The following FSHR variants were observed in gnomAD, a reference collection of about 807,000 sequenced individuals.
FSHR encodes the protein follicle-stimulating hormone receptor.
In FSHR, 46 loss-of-function variants were observed where a neutral mutation model predicts 52.1. That is an observed-to-expected ratio of 0.88 (90% CI 0.70 to 1.13). The LOEUF is 1.13. Ranked by LOEUF, FSHR falls within the 50% of genes most tolerant of loss-of-function variation. The probability of loss-of-function intolerance (pLI) is 0.00; values close to 1 mark genes in which losing one functional copy is unlikely to be tolerated. For synonymous variants in FSHR, 399 were observed against 309.6 expected (o/e 1.29, Z -3.03); for missense variants, 964 against 834.6 (o/e 1.16, Z -1.91).
chr2:48,996,767 A>C (rs11125191), intron 4 of FSHR, among the ~76,000 whole-genome samples: 90,279 of 151,994 alleles, frequency 0.59, 27,346 homozygotes, highest in Non-Finnish European at 0.67. Flanking sequence ...TCTTTCTGCA[A>C]AAGCACATGT....
chr2:49,055,521 C>T (rs1272191485), intron 2 of FSHR, among the ~76,000 whole-genome samples: 2 of 95,102 alleles, frequency 2.1e-5, no homozygotes, highest in Non-Finnish European at 3.8e-5. Flanking sequence ...ACATCCAGAT[C>T]CAGGAAGCTC....
At chr2:49,015,126 A>T (rs1667433595) in intron 4 of FSHR, among the ~76,000 whole-genome samples, 1 of 152,190 alleles carries the variant, frequency 6.6e-6, no homozygotes, top group Non-Finnish European at 1.5e-5. Context: ...CGCTCTATAG[A>T]TAAGCAAACT....
intron 2 of FSHR, among the ~76,000 whole-genome samples, chr2:49,062,418 A>G (rs1411360771): frequency 6.6e-6 from 1 of 152,164 alleles, no homozygotes; most frequent in Non-Finnish European, 1.5e-5. Flanking sequence ...TCAACTCAAA[A>G]TGGATTAAAG....
intron 1 of FSHR, among the ~76,000 whole-genome samples, chr2:49,127,033 C>G (rs1672024725): frequency 6.6e-6 from 1 of 152,036 alleles, no homozygotes; most frequent in South Asian, 2.1e-4. Context: ...AGAATAATAA[C>G]CTTGGATGAA....
At chr2:49,138,838 G>A (rs1175643697) in intron 1 of FSHR, among the ~76,000 whole-genome samples, 2 of 152,132 alleles carry the variant, frequency 1.3e-5, no homozygotes, top group Non-Finnish European at 2.9e-5. Flanking sequence ...TGTATTGTAT[G>A]TGAGTTATAG....
intron 2 of FSHR, among the ~76,000 whole-genome samples, chr2:49,046,163 G>A (rs1668645980): frequency 6.6e-6 from 1 of 152,154 alleles, no homozygotes; most frequent in Non-Finnish European, 1.5e-5. Context: ...AATGAGCTAA[G>A]GGGTATATGA....
intron 1 of FSHR, among the ~76,000 whole-genome samples, chr2:49,095,014 T>C (rs964781398): frequency 6.6e-6 from 1 of 152,142 alleles, no homozygotes; most frequent in East Asian, 1.9e-4. Context: ...TGTAGTATTG[T>C]ATGCCAACAA....
intron 4 of FSHR, among the ~76,000 whole-genome samples, chr2:48,998,535 A>G (rs1045053617): frequency 2.6e-5 from 4 of 151,998 alleles, no homozygotes; most frequent in African/African-American, 9.7e-5. Flanking sequence ...CAGCTGGTGT[A>G]TTTTTTCCCT....
chr2:49,029,470 T>C (rs937506336), intron 2 of FSHR, among the ~76,000 whole-genome samples: 9 of 152,154 alleles, frequency 5.9e-5, no homozygotes, highest in African/African-American at 2.2e-4. Flanking sequence ...CAAAGCTGCA[T>C]TTGGAAAGGT....
intron 1 of FSHR, among the ~76,000 whole-genome samples, chr2:49,149,352 T>A (rs1672980764): frequency 6.6e-6 from 1 of 152,022 alleles, no homozygotes; most frequent in South Asian, 2.1e-4. Flanking sequence ...TACCTACTTG[T>A]CAGGCACAAA....
chr2:49,142,059 C>T (rs1299016694), intron 1 of FSHR, among the ~76,000 whole-genome samples: 2 of 152,196 alleles, frequency 1.3e-5, no homozygotes, highest in African/African-American at 4.8e-5. Flanking sequence ...TTGTTACATT[C>T]AGTCTTTCCT....
chr2:49,116,281 T>C (rs1671597312), intron 1 of FSHR, among the ~76,000 whole-genome samples: 1 of 152,128 alleles, frequency 6.6e-6, no homozygotes, highest in Non-Finnish European at 1.5e-5. Context: ...TCATCAAACT[T>C]GAGTGTCTGA....
intron 8 of FSHR, 123 bp from the exon 9 acceptor site, chr2:48,969,006 G>A (rs999472251): frequency 2.9e-5 from 26 of 898,842 alleles, no homozygotes; most frequent in African/African-American, 5.0e-5. Context: ...GAGAGACTCC[G>A]GTTCCTCCAA....
chr2:49,058,568 A>G (rs1414571323), intron 2 of FSHR, among the ~76,000 whole-genome samples: 3 of 152,144 alleles, frequency 2.0e-5, no homozygotes, highest in Admixed American at 6.6e-5. Context: ...CCACCTAAAA[A>G]AAACCTTTAA....
At chr2:49,068,124 G>A (rs774912481) in intron 2 of FSHR, 95 bp downstream of exon 2, 11 of 916,826 alleles carry the variant, frequency 1.2e-5, no homozygotes, top group Non-Finnish European at 1.8e-5. Flanking sequence ...ATGTCAGTTC[G>A]GCTACTAAGT....
intron 2 of FSHR, among the ~76,000 whole-genome samples, chr2:49,058,768 G>A (rs951822431): frequency 3.9e-5 from 6 of 152,012 alleles, no homozygotes; most frequent in African/African-American, 1.4e-4. Context: ...CCTCTACAGG[G>A]AAAACCACAA....
chr2:49,040,292 A>G (rs868611510), intron 2 of FSHR, among the ~76,000 whole-genome samples: 4 of 126,810 alleles, frequency 3.2e-5, no homozygotes, highest in Admixed American at 8.5e-5. Context: ...TCTGTCTTGT[A>G]GACTGTGTAC....
chr2:49,107,622 A>G lies in FSHR; in HGVS notation c.153-39332T>C, dbSNP rs141298191. 3.1e-3 allele frequency among the ~76,000 whole-genome samples: 476 copies of G among 152,288 alleles called. 4 individuals carry two copies. The highest frequency in any genetic ancestry group is 0.011 in the African/African-American group (438 of 41,574). On this transcript the variant is annotated intron_variant, in intron 1 of 9. Coordinates refer to ENST00000406846, the MANE Select transcript of FSHR (RefSeq NM_000145.4). ...AATGGTTAATCACAAAATTAATATT[A>G]ATAGCCATTACCTTTTATTGGTAAT...
intron 1 of FSHR, among the ~76,000 whole-genome samples, chr2:49,080,478 G>A (rs561063891): frequency 6.6e-6 from 1 of 152,014 alleles, no homozygotes; most frequent in South Asian, 2.1e-4. Flanking sequence ...ATGCACTGTG[G>A]TATATTTACA....
Sources: gnomAD v4.1 joint callset for allele counts (sites outside exome capture counted in the v4.1 genomes callset) on GRCh38, gnomAD v4.1.1 for gene constraint, MANE v1.5 for transcripts, NCBI Gene and HGNC (gene_info 2026-07-23, HGNC 2026-07-21) for gene names.